Variants in BORCS7 observed in about 807,000 individuals in gnomAD.
The protein encoded by BORCS7 is BLOC-1 related complex subunit 7.
A neutral mutation model predicts 17.5 loss-of-function variants in BORCS7; 20 were observed. The ratio of observed to expected loss-of-function variants is 1.14; its 90% CI spans 0.80 to 1.66. The LOEUF is 1.66. Ranked by LOEUF, BORCS7 falls within the 40% of genes most tolerant of loss-of-function variation. BORCS7 has a pLI of 0.00. For synonymous variants in BORCS7, 57 were observed against 49.8 expected, an observed-to-expected ratio of 1.14 and a Z score of -0.61; for missense variants, 122 against 129.7, an observed-to-expected ratio of 0.94 and a Z score of 0.29.
chr10:102,861,860 G>T (rs933138555), intron 3 of BORCS7, among the ~76,000 whole-genome samples: 9 of 152,116 alleles, frequency 5.9e-5, no homozygotes, highest in Non-Finnish European at 8.8e-5. Flanking sequence ...TTAGGTATTA[G>T]GTATGTGACC....
At chr10:102,860,464 A>G in intron 2 of BORCS7, 34 bp from the exon 3 acceptor site, 1 of 1,611,216 alleles carries the variant, frequency 6.2e-7, no homozygotes, top group South Asian at 1.1e-5. Context: ...AGGGAAGTGG[A>G]AATGTTCTAT....
At chr10:102,855,537 T>A (rs1844412631) in intron 1 of BORCS7, among the ~76,000 whole-genome samples, 1 of 152,178 alleles carries the variant, frequency 6.6e-6, no homozygotes, top group South Asian at 2.1e-4. Context: ...CATTCCACAG[T>A]ATTCATTTAA....
Position 102,864,076 on chromosome 10 carries a change from A to G in BORCS7, c.*1152A>G, listed in dbSNP as rs566958087. 6 of 152,320 alleles carry G rather than the reference A, an allele frequency of 3.9e-5. No individual in the cohort carries two copies. The East Asian group carries it at 1.2e-3, about 29-fold the overall frequency. The allele number at this position is 152,320 out of a possible 1,614,324, so 9.4% of individuals were successfully genotyped here. ...ACCATGAGTCTGTTGTCAAACCTAA[A>G]TATCTTTGTTTGAATTTAAAATGGG... On this transcript the variant is annotated 3_prime_UTR_variant, in exon 5 of 5. Coordinates refer to ENST00000339834, the MANE Select transcript of BORCS7 (RefSeq NM_001136200.2).
In BORCS7 at chr10:102,863,093, T is replaced by C; in HGVS notation, c.*169T>C. On this transcript the variant is annotated 3_prime_UTR_variant, in exon 5 of 5. Coordinates refer to ENST00000339834, the MANE Select transcript of BORCS7 (RefSeq NM_001136200.2). ...GCTCACGCCTGTAATCCCAGCACTT[T>C]GGGAGGCCGAGGCGGGTGGATCACG... is the stretch of plus-strand genomic sequence containing the variant. 1 of 550,586 alleles carries C rather than the reference T, an allele frequency of 1.8e-6. No individual in the cohort carries two copies. 34.1% of individuals were successfully genotyped at this position (550,586 alleles called of 1,614,324 possible).
At chr10:102,856,910 T>G (rs1477877048) in intron 1 of BORCS7, among the ~76,000 whole-genome samples, 1 of 152,192 alleles carries the variant, frequency 6.6e-6, no homozygotes, top group East Asian at 1.9e-4. Flanking sequence ...TTTTCTTGGC[T>G]ACTTCTGTGT....
At chr10:102,855,748 CTTTG>C (rs764530337) in intron 1 of BORCS7, among the ~76,000 whole-genome samples, 8 of 152,022 alleles carry the variant, frequency 5.3e-5, no homozygotes, top group South Asian at 2.1e-4. Flanking sequence ...AAGGGTTAAT[CTTTG>C]TTTGTTTGTT....
chr10:102,860,004 C>T (rs532269604), intron 1 of BORCS7, among the ~76,000 whole-genome samples: 2 of 152,256 alleles, frequency 1.3e-5, no homozygotes, highest in African/African-American at 4.8e-5. Flanking sequence ...TCTCACTGGA[C>T]TTGTGGAGCC....
In BORCS7 at chr10:102,864,305, T is replaced by TA. The variant is rs1272557793; in HGVS notation, c.*1387dup. On this transcript the variant is annotated 3_prime_UTR_variant, in exon 5 of 5. Transcript: ENST00000339834. ...CATACATATGGATATTAACTTAAGGTAAAAAAGCTGGATGTGAAGGATCTG... is the reference window on the plus strand; with the variant it reads ...CATACATATGGATATTAACTTAAGGTAAAAAAAGCTGGATGTGAAGGATCTG... 1 of 152,158 alleles carries TA rather than the reference T, an allele frequency of 6.6e-6. No homozygotes were observed. Among genetic ancestry groups the TA allele is most frequent in the South Asian group, 2.1e-4 (1 of 4,832 alleles). The allele number at this position is 152,158 out of a possible 1,614,324, so 9.4% of individuals were successfully genotyped here. A position where few individuals can be genotyped will look rare whatever the true frequency, so the allele number is the denominator to read the frequency against.
intron 3 of BORCS7, among the ~76,000 whole-genome samples, chr10:102,861,284 T>A (rs1440198427): frequency 6.7e-6 from 1 of 148,510 alleles, no homozygotes; most frequent in African/African-American, 2.5e-5. Context: ...GGTGTGGTGG[T>A]GGGTGCCTGT....
At chr10:102,856,309 T>C (rs980335842) in intron 1 of BORCS7, among the ~76,000 whole-genome samples, 1 of 151,912 alleles carries the variant, frequency 6.6e-6, no homozygotes, top group Admixed American at 6.6e-5. Flanking sequence ...TCCTAACACT[T>C]TGGGAGGCCG....
chr10:102,859,604 C>T (rs572814132), intron 1 of BORCS7, among the ~76,000 whole-genome samples: 4 of 138,424 alleles, frequency 2.9e-5, no homozygotes, highest in Admixed American at 7.7e-5. Flanking sequence ...CTTGCTTTGT[C>T]GCCCAGGCTG....
chr10:102,856,261 T>A (rs1026326708), intron 1 of BORCS7, among the ~76,000 whole-genome samples: 1 of 152,040 alleles, frequency 6.6e-6, no homozygotes, highest in Non-Finnish European at 1.5e-5. Flanking sequence ...CTAAACATCA[T>A]GTGTCTGTGG....
chr10:102,862,654 G>A (rs1470655909), intron 4 of BORCS7, among the ~76,000 whole-genome samples: 1 of 152,162 alleles, frequency 6.6e-6, no homozygotes, highest in Non-Finnish European at 1.5e-5. Context: ...AGTACAGATA[G>A]CTTGTACAGG....
At position 102,862,144 on chromosome 10, in the gene BORCS7, T is replaced by C. The variant is rs1844532212; in HGVS notation, c.249-16T>C. On this transcript the variant is annotated splice_polypyrimidine_tract_variant and intron_variant, in intron 3 of 4. Transcript: ENST00000339834. ...GTTCACTTATGTGTATTTTCCTCTT[T>C]CCTTTTCTGATTTAGGCAAGAAGCT... 6.2e-7 allele frequency: 1 copy of C among 1,602,358 alleles called. No homozygotes were observed. The highest frequency in any genetic ancestry group is 1.7e-5 in the Admixed American group (1 of 59,944).
intron 4 of BORCS7, among the ~76,000 whole-genome samples, chr10:102,862,539 A>G (rs1185139172): frequency 6.6e-6 from 1 of 152,236 alleles, no homozygotes; most frequent in African/African-American, 2.4e-5. Flanking sequence ...CATTGTTTAC[A>G]TTACTAATTG....
At chr10:102,859,569 T>TC (rs1390114338) in intron 1 of BORCS7, among the ~76,000 whole-genome samples, 2 of 147,528 alleles carry the variant, frequency 1.4e-5, no homozygotes, top group Admixed American at 6.9e-5. Context: ...ATTTTTTTTT[T>TC]CTTTTTTTTT....
rs1166672144 is a variant in BORCS7, at chr10:102,854,273, G to A, written c.-14G>A. 3 of 1,604,242 alleles carry A rather than the reference G, an allele frequency of 1.9e-6. No individual in the cohort carries two copies. Among genetic ancestry groups the A allele is most frequent in the Non-Finnish European group, 1.7e-6 (2 of 1,175,556 alleles). ...GACTCACCATCGTCAGTGCGCAACC[G>A]TTCGCTAACTGAAATGATGGCGACT... On this transcript the variant is annotated 5_prime_UTR_variant, in exon 1 of 5. Transcript: ENST00000339834.
Position 102,863,101 on chromosome 10 carries a change from C to T in BORCS7, c.*177C>T, listed in dbSNP as rs556775012. On this transcript the variant is annotated 3_prime_UTR_variant, in exon 5 of 5. Transcript: ENST00000339834. ...CTGTAATCCCAGCACTTTGGGAGGC[C>T]GAGGCGGGTGGATCACGAGGTCAGG... 23 of 514,194 alleles carry T rather than the reference C, an allele frequency of 4.5e-5. No homozygotes were observed. Among genetic ancestry groups the T allele is most frequent in the African/African-American group, 9.8e-5 (5 of 50,890 alleles). 31.9% of individuals were successfully genotyped at this position (514,194 alleles called of 1,614,324 possible). A position where few individuals can be genotyped will look rare whatever the true frequency, so the allele number is the denominator to read the frequency against.
chr10:102,860,202 T>G (rs1227124198), intron 1 of BORCS7, 130 bp from the exon 2 acceptor site: 5 of 723,656 alleles, frequency 6.9e-6, no homozygotes, highest in African/African-American at 1.8e-5. Context: ...TTCATTACAT[T>G]TTGAGTGTTT....
Sources: gnomAD v4.1 joint callset for allele counts (sites outside exome capture counted in the v4.1 genomes callset) on GRCh38, gnomAD v4.1.1 for gene constraint, MANE v1.5 for transcripts, NCBI Gene and HGNC (gene_info 2026-07-23, HGNC 2026-07-21) for gene names.